The following FAT4 variants were observed in gnomAD, a reference collection of about 807,000 sequenced individuals.
FAT4 encodes FAT atypical cadherin 4.
A neutral mutation model predicts 303.9 loss-of-function variants in FAT4; 84 were observed. The observed-to-expected ratio is 0.28, with a 90% CI of 0.23 to 0.33. The LOEUF is 0.33. FAT4 is among the 10% of genes least tolerant of loss of function. The pLI is 1.00. For missense variants in FAT4, 6,005 were observed against 6,146.8 expected, an observed-to-expected ratio of 0.98 and a Z score of 0.77; for synonymous variants, 2,307 against 2,298.8, an observed-to-expected ratio of 1.00 and a Z score of -0.10.
intron 2 of FAT4, among the ~76,000 whole-genome samples, chr4:125,347,089 C>T (rs144138236): frequency 1.3e-5 from 2 of 151,966 alleles, no homozygotes; most frequent in Admixed American, 6.6e-5. Context: ...ATGAAAGCAT[C>T]AGCCTGAGCG....
At chr4:125,328,052 G>A (rs2710535) in intron 2 of FAT4, among the ~76,000 whole-genome samples, 113,111 of 152,092 alleles carry the variant, frequency 0.74, 42,961 homozygotes, top group African/African-American at 0.89. Flanking sequence ...TTAGGCACTC[G>A]TGAGTGGAAA....
At position 125,402,985 on chromosome 4, in the gene FAT4, C is replaced by G. The variant is rs1054191520; in HGVS notation, c.5308-3895C>G. 2.6e-5 allele frequency among the ~76,000 whole-genome samples: 4 copies of G among 151,910 alleles called. No individual in the cohort carries two copies. In the East Asian group the frequency reaches 7.7e-4, roughly 29 times the overall value. ...ATAACATATAATAGGAAATCTGATA[C>G]TGTATTTTCCCATGGATATATGGCA... On this transcript the variant is annotated intron_variant, in intron 3 of 17. Transcript: ENST00000394329.
chr4:125,364,083 C>T (rs1026018324), intron 2 of FAT4, among the ~76,000 whole-genome samples: 1 of 151,992 alleles, frequency 6.6e-6, no homozygotes, highest in African/African-American at 2.4e-5. Context: ...GTTCTTGAAA[C>T]TTGCTTATTT....
intron 2 of FAT4, among the ~76,000 whole-genome samples, chr4:125,375,225 T>C (rs990937998): frequency 6.6e-6 from 1 of 152,220 alleles, no homozygotes; most frequent in Admixed American, 6.5e-5. Context: ...GGTTCCCTCA[T>C]GGTGACTCTA....
chr4:125,451,500 C>G lies in FAT4; in HGVS notation c.10490C>G (p.Ser3497Cys), dbSNP rs1159958047. ...ACCCCCTCAGCTACAGGTAGTGCCT[C>G]TTTATTAGTCACCCTGGAAGATATA... ...SGTPSATGSA[S>C]LLVTLEDIND... is the part of the protein sequence containing the mutation. The change falls in exon 10 of 18, where the codon TCT (serine) becomes TGT (cysteine). Residue 3497 changes from serine (S) to cysteine (C), a missense_variant. By Grantham distance (112) the Ser-to-Cys change is moderately radical (BLOSUM62 -1). Coordinates refer to ENST00000394329, the MANE Select transcript of FAT4 (RefSeq NM_001291303.3). The G allele has an allele frequency of 6.2e-7, 1 of 1,613,980 alleles. No homozygotes were observed. The highest frequency in any genetic ancestry group is 8.5e-7 in the Non-Finnish European group (1 of 1,180,016).
chr4:125,430,798 G>A (rs1011252429), intron 7 of FAT4, among the ~76,000 whole-genome samples: 7 of 152,158 alleles, frequency 4.6e-5, no homozygotes, highest in African/African-American at 1.7e-4. Context: ...CTATGGGGCT[G>A]ATCGTGGCTT....
Position 125,487,515 on chromosome 4 carries a change from C to G in FAT4, c.12993C>G (p.Ile4331Met). ...ACAGAATATATAACAGAGATATTAT[C>G]CACCCTACTCAGGACTTCGGTGGCC... ...SVDRIYNRDIIHPTQDFGGLD... is the reference protein window; with the variant it reads ...SVDRIYNRDIMHPTQDFGGLD... Residue 4331 changes from isoleucine to methionine, a missense_variant, in exon 17 of 18, where the codon ATC becomes ATG. Physicochemically the swap from Ile to Met is conservative, Grantham distance 10. Transcript: ENST00000394329. 6.2e-7 allele frequency: 1 copy of G among 1,613,932 alleles called. No homozygotes were observed. Among genetic ancestry groups the G allele is most frequent in the Non-Finnish European group, 8.5e-7 (1 of 1,179,896 alleles).
rs1211329689 is a variant in FAT4 at position 125,491,892 on chromosome 4, A to T, written c.*124A>T. 2.1e-6 allele frequency: 2 copies of T among 957,618 alleles called. No individual in the cohort carries two copies. Among genetic ancestry groups the T allele is most frequent in the East Asian group, 2.7e-5 (1 of 37,672 alleles). 59.3% of individuals were successfully genotyped at this position (957,618 alleles called of 1,614,324 possible). The stretch of plus-strand genomic sequence containing the variant: ...AGTATGGACTAGTGGTGGAGGGAAA[A>T]CTTTAAAAATAATAACCACAATGCT... On this transcript the variant is annotated 3_prime_UTR_variant, in exon 18 of 18. Transcript: ENST00000394329.
intron 2 of FAT4, among the ~76,000 whole-genome samples, chr4:125,365,516 C>T (rs1351192185): frequency 6.6e-6 from 1 of 152,120 alleles, no homozygotes; most frequent in African/African-American, 2.4e-5. Context: ...ACCACCATTT[C>T]TGTTTCCAAT....
rs570322957 is a variant in FAT4, at chr4:125,477,421, G to T, written c.12479+87G>T. 7.3e-5 allele frequency: 84 copies of T among 1,154,610 alleles called. 1 individual carries two copies. In the South Asian group the frequency reaches 1.3e-3, roughly 18 times the overall value. 71.5% of individuals were successfully genotyped at this position (1,154,610 alleles called of 1,614,324 possible). ...GAGCATCAAAAGATGAAATTATTAT[G>T]CTCAAATCTCTAAAAATACCAAATG... On this transcript the variant is annotated intron_variant, in intron 14 of 17. Transcript: ENST00000394329.
intron 8 of FAT4, among the ~76,000 whole-genome samples, chr4:125,440,334 C>T (rs1368260806): frequency 6.6e-6 from 1 of 151,820 alleles, no homozygotes; most frequent in African/African-American, 2.4e-5. Context: ...AAGGCCCTGT[C>T]AGAAGACTAC....
rs1426556714 is a variant in FAT4 at position 125,320,872 on chromosome 4, A to G, written c.4461A>G (p.Glu1487=). The G allele has an allele frequency of 6.2e-7, 1 of 1,614,220 alleles. No individual in the cohort carries two copies. The highest frequency in any genetic ancestry group is 1.1e-5 in the South Asian group (1 of 91,088). Residue 1487 remains glutamate (E), a synonymous_variant, in exon 2 of 18, where the codon GAA becomes GAG. Transcript: ENST00000394329. Reference sequence around the variant, plus strand: ...ATACTAATGCTGAAATAGATCGGGAATTTGCTAATCTCTTTGAGTTGACTG... The same window carrying G: ...ATACTAATGCTGAAATAGATCGGGAGTTTGCTAATCTCTTTGAGTTGACTG... ...TIYTNAEIDR[E]FANLFELTVK... is the part of the protein sequence containing the mutation.
In FAT4 at chr4:125,315,199, G is replaced by T. The variant is rs893479530; in HGVS notation, c.-791G>T. 6.6e-6 allele frequency among the ~76,000 whole-genome samples: 1 copy of T among 152,124 alleles called. No homozygotes were observed. The highest frequency in any genetic ancestry group is 2.4e-5 in the African/African-American group (1 of 41,520). On this transcript the variant is annotated 5_prime_UTR_variant, in exon 1 of 18. Coordinates refer to ENST00000394329, the MANE Select transcript of FAT4 (RefSeq NM_001291303.3). Reference sequence around the variant, plus strand: ...CCACCGCAGTCCAACCTTCGGCCCCGGCCGGCGAGAGGGAGAGCGCTGACA... The same window carrying T: ...CCACCGCAGTCCAACCTTCGGCCCCTGCCGGCGAGAGGGAGAGCGCTGACA...
intron 2 of FAT4, among the ~76,000 whole-genome samples, chr4:125,387,707 T>G (rs2126003942): frequency 6.6e-6 from 1 of 152,260 alleles, no homozygotes; most frequent in South Asian, 2.1e-4. Flanking sequence ...GAAAAGGTAT[T>G]AATAGATTCA....
rs1045933868 is a variant in FAT4, at chr4:125,315,502, C to T, written c.-488C>T. Among the ~76,000 whole-genome samples the T allele has an allele frequency of 6.6e-6, 1 of 152,160 alleles. No individual in the cohort carries two copies. Among genetic ancestry groups the T allele is most frequent in the Admixed American group, 6.5e-5 (1 of 15,284 alleles). ...ACTCGGGGACCGCACGCTGTTTCTG[C>T]CCGACCCCTGCGAGGCCGAGAAGAA... On this transcript the variant is annotated 5_prime_UTR_variant, in exon 1 of 18. Transcript: ENST00000394329.
At chr4:125,459,211 C>T (rs1726398193) in intron 10 of FAT4, among the ~76,000 whole-genome samples, 1 of 151,904 alleles carries the variant, frequency 6.6e-6, no homozygotes. Context: ...CAAAAATTAT[C>T]GTATCTTCAT....
At position 125,451,873 on chromosome 4, in the gene FAT4, A is replaced by G. The variant is rs1207983595; in HGVS notation, c.10863A>G (p.Ile3621Met). 1.2e-6 allele frequency: 2 copies of G among 1,614,044 alleles called. No homozygotes were observed. The highest frequency in any genetic ancestry group is 4.5e-5 in the East Asian group (2 of 44,872). The part of the protein sequence containing the change: ...DNPSQSRTVE[I>M]FVNYYGNLFP... ...CTTCACAGTCTCGGACGGTGGAGAT[A>G]TTTGTTAATTATTATGGTAACTTGT... Residue 3621 changes from isoleucine (I) to methionine (M), a missense_variant, in exon 10 of 18, where the codon ATA becomes ATG. Physicochemically the swap from Ile to Met is conservative, Grantham distance 10. Transcript: ENST00000394329.
chr4:125,456,965 A>G (rs1450154920), intron 10 of FAT4, among the ~76,000 whole-genome samples: 2 of 152,116 alleles, frequency 1.3e-5, no homozygotes, highest in Non-Finnish European at 2.9e-5. Flanking sequence ...GAATTATTTT[A>G]AATTACTGTA....
At chr4:125,403,149 A>G (rs1183016277) in intron 3 of FAT4, among the ~76,000 whole-genome samples, 1 of 152,080 alleles carries the variant, frequency 6.6e-6, no homozygotes, top group African/African-American at 2.4e-5. Flanking sequence ...TGTGCTTACT[A>G]TCTGTCAAGG....
Sources: allele counts gnomAD v4.1 joint callset (sites outside exome capture counted in the v4.1 genomes callset), GRCh38; gene constraint gnomAD v4.1.1; transcripts MANE v1.5; gene names NCBI Gene and HGNC (gene_info 2026-07-23, HGNC 2026-07-21).